Variants in WWP2 observed in about 807,000 individuals in gnomAD.
The protein encoded by WWP2 is NEDD4-like E3 ubiquitin-protein ligase WWP2.
In WWP2, 57 loss-of-function variants were observed where a neutral mutation model predicts 121.0. The observed-to-expected ratio is 0.47, with a 90% CI of 0.38 to 0.59. The LOEUF is 0.59. Ranked by LOEUF, WWP2 falls within the 20% of genes least tolerant of loss-of-function variation. The pLI is 0.00. For synonymous variants in WWP2, 449 were observed against 441.3 expected, an observed-to-expected ratio of 1.02 and a Z score of -0.22; for missense variants, 962 against 1,158.9, an observed-to-expected ratio of 0.83 and a Z score of 2.47.
intron 1 of WWP2, 106 bp downstream of exon 1, chr16:69,762,497 T>C (rs997625794): frequency 1.4e-5 from 2 of 145,996 alleles, no homozygotes; most frequent in African/African-American, 5.0e-5. Flanking sequence ...GGCCCGGGCG[T>C]CGGGGGGCGG....
intron 8 of WWP2, among the ~76,000 whole-genome samples, chr16:69,892,125 A>T (rs1221951751): frequency 2.0e-5 from 3 of 151,776 alleles, no homozygotes; most frequent in Admixed American, 2.0e-4. Flanking sequence ...ACATAGTGGG[A>T]CTCCAGGAAA....
chr16:69,865,461 C>G (rs1473139763), intron 6 of WWP2, among the ~76,000 whole-genome samples: 1 of 152,150 alleles, frequency 6.6e-6, no homozygotes, highest in African/African-American at 2.4e-5. Context: ...TATTGTCAAC[C>G]ATAAAAGTCA....
At chr16:69,920,826 T>G (rs2058550767) in intron 10 of WWP2, among the ~76,000 whole-genome samples, 1 of 152,112 alleles carries the variant, frequency 6.6e-6, no homozygotes, top group African/African-American at 2.4e-5. Context: ...AAGCAATTTT[T>G]TTTTCCCTTA....
intron 4 of WWP2, among the ~76,000 whole-genome samples, chr16:69,837,992 G>C (rs1019854951): frequency 2.0e-5 from 3 of 152,160 alleles, no homozygotes; most frequent in Admixed American, 1.3e-4. Context: ...GGAGGCCAAG[G>C]TGGGAGGATT....
chr16:69,870,383 C>T (rs2057612890), intron 6 of WWP2, among the ~76,000 whole-genome samples: 1 of 151,134 alleles, frequency 6.6e-6, no homozygotes, highest in Non-Finnish European at 1.5e-5. Flanking sequence ...TCCCTGAAAC[C>T]TCTACCTTCT....
In WWP2 at chr16:69,939,948, C is replaced by T. The variant is rs761606433; in HGVS notation, c.*8C>T. 24 of 1,610,832 alleles carry T rather than the reference C, an allele frequency of 1.5e-5. No homozygotes were observed. Among genetic ancestry groups the T allele is most frequent in the African/African-American group, 4.0e-5 (3 of 74,864 alleles). On this transcript the variant is annotated 3_prime_UTR_variant, in exon 24 of 24. Coordinates refer to ENST00000359154, the MANE Select transcript of WWP2 (RefSeq NM_001270454.2). ...GGCTTTGGACAGGAGTAACCGAGGC[C>T]GCCCCTCCCACGCCCCCCAGCGCAC...
At chr16:69,770,028 A>G (rs1270692592) in intron 1 of WWP2, among the ~76,000 whole-genome samples, 1 of 152,010 alleles carries the variant, frequency 6.6e-6, no homozygotes, top group African/African-American at 2.4e-5. Flanking sequence ...TACCCAGCTA[A>G]TTTTTGTATT....
intron 4 of WWP2, among the ~76,000 whole-genome samples, chr16:69,800,960 T>C (rs1029299346): frequency 6.7e-6 from 1 of 148,322 alleles, no homozygotes. Flanking sequence ...CTGAGGCGGG[T>C]GGATCACCTG....
intron 8 of WWP2, among the ~76,000 whole-genome samples, chr16:69,897,818 G>T (rs938224557): frequency 6.6e-6 from 1 of 152,044 alleles, no homozygotes; most frequent in South Asian, 2.1e-4. Flanking sequence ...TGAGGCAGAA[G>T]AATGGTTTGA....
rs138529923 is a variant in WWP2, at chr16:69,928,324, C to G, written c.1235-1124C>G. On this transcript the variant is annotated intron_variant, in intron 11 of 23. Transcript: ENST00000359154. ...TCAGGAACTTCCTGGGAAAGGTGACCTCTTTTGAGCCAAGAGCTTTACCCC... is the reference window on the plus strand; with the variant it reads ...TCAGGAACTTCCTGGGAAAGGTGACGTCTTTTGAGCCAAGAGCTTTACCCC... Among the ~76,000 whole-genome samples, 736 of 152,172 alleles carry G rather than the reference C, an allele frequency of 4.8e-3. 3 individuals carry two copies. The highest frequency in any genetic ancestry group is 0.016 in the African/African-American group (680 of 41,486).
At chr16:69,836,943 G>A (rs1379278234) in intron 4 of WWP2, among the ~76,000 whole-genome samples, 1 of 149,598 alleles carries the variant, frequency 6.7e-6, no homozygotes, top group Non-Finnish European at 1.5e-5. Context: ...ACTTTTTTGA[G>A]ACGCAGTCTC....
rs1007523213 is a variant in WWP2, at chr16:69,932,212, C to T, written c.1682+322C>T. On this transcript the variant is annotated intron_variant, in intron 16 of 23. Coordinates refer to ENST00000359154, the MANE Select transcript of WWP2 (RefSeq NM_001270454.2). ...GGCGTGGTGGTGCATGCCTGTAATC[C>T]CAGCTCCTGGGGAGGCTGAGGCGGG... Among the ~76,000 whole-genome samples, 3 of 152,236 alleles carry T rather than the reference C, an allele frequency of 2.0e-5. No homozygotes were observed. The South Asian group carries it at 6.2e-4, about 31-fold the overall frequency.
intron 2 of WWP2, among the ~76,000 whole-genome samples, chr16:69,789,024 T>A (rs2055851284): frequency 6.6e-6 from 1 of 152,180 alleles, no homozygotes; most frequent in African/African-American, 2.4e-5. Flanking sequence ...TTATATAATA[T>A]ACTCATGGAG....
At chr16:69,780,389 TTTAAG>T (rs112654508) in intron 1 of WWP2, among the ~76,000 whole-genome samples, 10,417 of 152,172 alleles carry the variant, frequency 0.068, 1,191 homozygotes, top group African/African-American at 0.23. Flanking sequence ...TTGATGGGTA[TTTAAG>T]TTGTTTATAA....
chr16:69,777,945 C>T (rs1397584580), intron 1 of WWP2, among the ~76,000 whole-genome samples: 2 of 150,284 alleles, frequency 1.3e-5, no homozygotes, highest in East Asian at 2.0e-4. Flanking sequence ...TGGCTGGTGC[C>T]TGTAGTCCCA....
chr16:69,927,711 C>G (rs966660178), intron 11 of WWP2, among the ~76,000 whole-genome samples: 2 of 152,246 alleles, frequency 1.3e-5, no homozygotes, highest in Non-Finnish European at 2.9e-5. Context: ...CTGGGAGCAG[C>G]CCCTCCCCTG....
chr16:69,788,401 C>A (rs1003911243), intron 2 of WWP2, among the ~76,000 whole-genome samples: 12 of 152,128 alleles, frequency 7.9e-5, no homozygotes, highest in South Asian at 2.1e-4. Flanking sequence ...CAGTAGAAGC[C>A]GAAGCTCCCA....
chr16:69,780,217 G>T (rs957219479), intron 1 of WWP2, among the ~76,000 whole-genome samples: 1 of 149,562 alleles, frequency 6.7e-6, no homozygotes, highest in African/African-American at 2.5e-5. Flanking sequence ...GTAAGTTCAA[G>T]TGTACACCAA....
intron 7 of WWP2, among the ~76,000 whole-genome samples, chr16:69,886,456 A>C (rs1236403250): frequency 6.6e-6 from 1 of 151,534 alleles, no homozygotes; most frequent in East Asian, 1.9e-4. Context: ...ATGAAGAAAA[A>C]AAAAAACCAA....
Sources: gnomAD v4.1 joint callset for allele counts (sites outside exome capture counted in the v4.1 genomes callset) on GRCh38, gnomAD v4.1.1 for gene constraint, MANE v1.5 for transcripts, NCBI Gene and HGNC (gene_info 2026-07-23, HGNC 2026-07-21) for gene names.